ABCB1: variants seen among roughly 807,000 people sequenced by gnomAD.
ABCB1 encodes the protein ATP binding cassette subfamily B member 1.
In ABCB1, 69 loss-of-function variants were observed where a neutral mutation model predicts 142.0. The ratio of observed to expected loss-of-function variants is 0.49; its 90% CI spans 0.40 to 0.59. ABCB1 has a LOEUF of 0.59. ABCB1 is among the 20% of genes least tolerant of loss of function. The pLI is 0.00. For synonymous variants in ABCB1, 532 were observed against 539.2 expected, an observed-to-expected ratio of 0.99 and a Z score of 0.18; for missense variants, 1,326 against 1,554.7, an observed-to-expected ratio of 0.85 and a Z score of 2.47.
At chr7:87,584,195 C>A (rs1273424353) in intron 4 of ABCB1, among the ~76,000 whole-genome samples, 1 of 152,100 alleles carries the variant, frequency 6.6e-6, no homozygotes, top group African/African-American at 2.4e-5. Context: ...CCAGGGTAAA[C>A]AATGTACTTT....
intron 5 of ABCB1, among the ~76,000 whole-genome samples, chr7:87,567,629 A>G (rs1244807793): frequency 2.0e-5 from 3 of 152,206 alleles, no homozygotes; most frequent in Non-Finnish European, 2.9e-5. Flanking sequence ...GTTTTATTTC[A>G]TTTGCCCAAC....
chr7:87,541,202 A>T (rs1375087393), intron 18 of ABCB1, among the ~76,000 whole-genome samples, 155 bp downstream of exon 18: 2 of 152,164 alleles, frequency 1.3e-5, no homozygotes, highest in Non-Finnish European at 2.9e-5. Flanking sequence ...GGAGGCAAAC[A>T]TCTTTTTTCA....
At chr7:87,699,467 A>G (rs986609649) in intron 1 of ABCB1, among the ~76,000 whole-genome samples, 9 of 152,070 alleles carry the variant, frequency 5.9e-5, no homozygotes, top group African/African-American at 2.2e-4. Context: ...GCAGTGGCTC[A>G]ACCTCAGCTC....
At chr7:87,676,063 C>A (rs1826321638) in intron 1 of ABCB1, among the ~76,000 whole-genome samples, 1 of 151,924 alleles carries the variant, frequency 6.6e-6, no homozygotes, top group Non-Finnish European at 1.5e-5. Flanking sequence ...CCCATCTCTA[C>A]AAAAAGTTAA....
chr7:87,638,748 A>T (rs1822101957), intron 1 of ABCB1, among the ~76,000 whole-genome samples: 1 of 151,444 alleles, frequency 6.6e-6, no homozygotes, highest in African/African-American at 2.4e-5. Context: ...CTAGGCATTT[A>T]TTAATTTTAC....
intron 9 of ABCB1, among the ~76,000 whole-genome samples, chr7:87,552,587 C>G (rs1007651194): frequency 6.6e-6 from 1 of 151,386 alleles, no homozygotes; most frequent in Non-Finnish European, 1.5e-5. Context: ...TTATCTCAAT[C>G]ACAGTTAAAC....
chr7:87,626,343 T>C (rs1411639559), intron 1 of ABCB1, among the ~76,000 whole-genome samples: 1 of 33,286 alleles, frequency 3.0e-5, no homozygotes, highest in Non-Finnish European at 4.7e-5. Flanking sequence ...GTCGTATATG[T>C]GTCATATATA....
intron 1 of ABCB1, among the ~76,000 whole-genome samples, chr7:87,707,277 T>C (rs759287898): frequency 2.0e-5 from 3 of 152,138 alleles, no homozygotes; most frequent in Non-Finnish European, 2.9e-5. Flanking sequence ...CTATGGGTGA[T>C]AGAGACTTTG....
chr7:87,520,676 C>A, intron 22 of ABCB1, 100 bp downstream of exon 22: 1 of 1,032,172 alleles, frequency 9.7e-7, no homozygotes, highest in South Asian at 1.3e-5. Flanking sequence ...GCACTTTCTC[C>A]ACTTGCTCCC....
chr7:87,576,533 A>G (rs1818280816), intron 4 of ABCB1, among the ~76,000 whole-genome samples: 1 of 151,332 alleles, frequency 6.6e-6, no homozygotes, highest in Non-Finnish European at 1.5e-5. Flanking sequence ...GAGTTACTGC[A>G]TGTAAAGCTC....
intron 14 of ABCB1, among the ~76,000 whole-genome samples, chr7:87,547,202 A>T (rs1816820153): frequency 6.6e-6 from 1 of 152,208 alleles, no homozygotes; most frequent in Non-Finnish European, 1.5e-5. Context: ...GATCCATAGG[A>T]TAAGTAGAAG....
chr7:87,650,962 T>C, intron 1 of ABCB1: 1 of 1,311,996 alleles, frequency 7.6e-7, no homozygotes, highest in East Asian at 2.3e-5. Context: ...GTACTATTTA[T>C]TTTCCCACCA....
At chr7:87,543,273 G>A (rs1472926763) in intron 17 of ABCB1, among the ~76,000 whole-genome samples, 2 of 152,118 alleles carry the variant, frequency 1.3e-5, no homozygotes, top group Non-Finnish European at 2.9e-5. Flanking sequence ...TAGCCTGGGC[G>A]AGAGTGAGCG....
intron 9 of ABCB1, among the ~76,000 whole-genome samples, chr7:87,553,075 A>G (rs1817149921): frequency 6.6e-6 from 1 of 152,188 alleles, no homozygotes; most frequent in Admixed American, 6.5e-5. Context: ...CATTCGAAAT[A>G]ATTTGAAAAG....
chr7:87,514,794 G>T (rs929307238), intron 25 of ABCB1, among the ~76,000 whole-genome samples: 1 of 152,094 alleles, frequency 6.6e-6, no homozygotes, highest in Non-Finnish European at 1.5e-5. Context: ...CCCATTCATT[G>T]CTAGATTCTA....
chr7:87,690,056 C>T (rs1827871556), intron 1 of ABCB1, among the ~76,000 whole-genome samples: 2 of 152,060 alleles, frequency 1.3e-5, no homozygotes, highest in East Asian at 3.9e-4. Flanking sequence ...TCTCGAACCG[C>T]TGAGCTCAAA....
chr7:87,516,731 C>CTTTTTTTTTGTTTTTTTT (rs1815267301), intron 23 of ABCB1, 66 bp from the exon 24 acceptor site: 1 of 642,604 alleles, frequency 1.6e-6, no homozygotes, highest in African/African-American at 3.6e-5. Context: ...GCTGACACTC[C>CTTTTTTTTTGTTTTTTTT]TTTTTTTTTT....
Position 87,564,862 on chromosome 7 carries a change from T to C in ABCB1, c.702+1208A>G, listed in dbSNP as rs1817723528. Among the ~76,000 whole-genome samples the C allele has an allele frequency of 2.0e-5, 3 of 152,212 alleles. No homozygotes were observed. In the South Asian group the frequency reaches 6.2e-4, roughly 31 times the overall value. On this transcript the variant is annotated intron_variant, in intron 7 of 27. Coordinates refer to ENST00000622132, the MANE Select transcript of ABCB1 (RefSeq NM_001348946.2). Reference sequence around the variant, plus strand: ...TCTTAAAACAGACATCAAAACATTTTAAGTAATTTTTCAACAAATACTGAT... The same window carrying C: ...TCTTAAAACAGACATCAAAACATTTCAAGTAATTTTTCAACAAATACTGAT...
chr7:87,675,612 C>T (rs1439388669), intron 1 of ABCB1, among the ~76,000 whole-genome samples: 1 of 129,848 alleles, frequency 7.7e-6, no homozygotes, highest in Non-Finnish European at 1.6e-5. Context: ...AAAGGATAAT[C>T]TCTTCAGTAA....
Sources: gnomAD v4.1 joint callset for allele counts (sites outside exome capture counted in the v4.1 genomes callset) on GRCh38, gnomAD v4.1.1 for gene constraint, MANE v1.5 for transcripts, NCBI Gene and HGNC (gene_info 2026-07-23, HGNC 2026-07-21) for gene names.